The following EDARADD variants were observed in gnomAD, a reference collection of about 807,000 sequenced individuals.
EDARADD encodes the protein ectodysplasin-A receptor-associated adapter protein.
Under a neutral mutation model 25.6 loss-of-function variants are expected in EDARADD, and 20 were observed. The ratio of observed to expected loss-of-function variants is 0.78; its 90% confidence interval spans 0.55 to 1.14. The LOEUF is 1.14. EDARADD is among the 50% of genes most tolerant of loss of function. EDARADD has a pLI of 0.00. For missense variants in EDARADD, 225 were observed against 270.1 expected (o/e 0.83, Z 1.17); for synonymous variants, 86 against 94.4 (o/e 0.91, Z 0.52).
chr1:236,361,933 A>T (rs1297692802), intron 3 of EDARADD, among the ~76,000 whole-genome samples: 2 of 151,982 alleles, frequency 1.3e-5, no homozygotes, highest in Non-Finnish European at 2.9e-5. Flanking sequence ...TTAGGCATGG[A>T]ATGCCTGGAT....
At chr1:236,471,760 A>G (rs1659366627) in intron 5 of EDARADD, among the ~76,000 whole-genome samples, 1 of 152,126 alleles carries the variant, frequency 6.6e-6, no homozygotes, top group African/African-American at 2.4e-5. Flanking sequence ...GTGGAGGGAA[A>G]CACTCCCGTG....
chr1:236,466,865 G>A (rs190324537), intron 4 of EDARADD, among the ~76,000 whole-genome samples: 17 of 152,212 alleles, frequency 1.1e-4, no homozygotes, highest in Non-Finnish European at 1.9e-4. Context: ...TCAGGAGTTC[G>A]AGACCATCCC....
chr1:236,420,777 T>A (rs1571923997), intron 3 of EDARADD, among the ~76,000 whole-genome samples: 1 of 152,128 alleles, frequency 6.6e-6, no homozygotes, highest in South Asian at 2.1e-4. Context: ...AGTCTCGCTC[T>A]GTCACCTAGG....
chr1:236,459,559 C>T (rs533203172), intron 4 of EDARADD, among the ~76,000 whole-genome samples: 22 of 151,178 alleles, frequency 1.5e-4, no homozygotes, highest in South Asian at 8.4e-4. Context: ...TGCTGTAATC[C>T]GAGCAAAGCA....
chr1:236,478,873 A>G lies in EDARADD; in HGVS notation c.266-3394A>G, dbSNP rs953894953. On this transcript the variant is annotated intron_variant, in intron 5 of 5. Coordinates refer to ENST00000334232, the MANE Select transcript of EDARADD (RefSeq NM_145861.4). Reference sequence around the variant, plus strand: ...AGTGCTGGGATTACAGGCGTGAGCCACCGCGCCCAGCGAGACTGTTATTCT... The same window carrying G: ...AGTGCTGGGATTACAGGCGTGAGCCGCCGCGCCCAGCGAGACTGTTATTCT... Among the ~76,000 whole-genome samples, 15 of 152,310 alleles carry G rather than the reference A, an allele frequency of 9.8e-5. No homozygotes were observed. The East Asian group carries it at 2.7e-3, about 27-fold the overall frequency.
At chr1:236,407,185 T>C (rs1667752710) in intron 1 of EDARADD, among the ~76,000 whole-genome samples, 2 of 152,176 alleles carry the variant, frequency 1.3e-5, no homozygotes, top group Non-Finnish European at 2.9e-5. Flanking sequence ...GAGAAGTCCC[T>C]TGAGACCCAG....
At chr1:236,387,021 G>C (rs1667363786) in intron 3 of EDARADD, among the ~76,000 whole-genome samples, 1 of 50,184 alleles carries the variant, frequency 2.0e-5, no homozygotes, top group African/African-American at 6.3e-5. Context: ...CCTCTGCCCG[G>C]CCAGCCGCCC....
At chr1:236,464,463 C>T (rs894879193) in intron 4 of EDARADD, among the ~76,000 whole-genome samples, 2 of 124,724 alleles carry the variant, frequency 1.6e-5, no homozygotes, top group Non-Finnish European at 3.2e-5. Context: ...GACAGAATCT[C>T]GCTCTGTCGC....
At chr1:236,360,290 A>G (rs1373547665) in intron 3 of EDARADD, among the ~76,000 whole-genome samples, 8 of 152,114 alleles carry the variant, frequency 5.3e-5, no homozygotes, top group Non-Finnish European at 7.4e-5. Flanking sequence ...ATTGCACTCC[A>G]GCCTGGACAA....
intron 3 of EDARADD, among the ~76,000 whole-genome samples, chr1:236,382,003 T>C (rs766603733): frequency 1.3e-5 from 2 of 152,012 alleles, no homozygotes; most frequent in Non-Finnish European, 2.9e-5. Context: ...TGTTGGGTTT[T>C]GGTGATTTTT....
Position 236,467,416 on chromosome 1 carries a change from ACACACACGCG to A in EDARADD, c.220-807_220-798del, listed in dbSNP as rs1203099152. Among the ~76,000 whole-genome samples the A allele has an allele frequency of 6.3e-5, 6 of 95,046 alleles. No homozygotes were observed. In the South Asian group the frequency reaches 2.2e-3, roughly 34 times the overall value. The allele number at this position is 95,046 out of a possible 152,430, so 62.4% of individuals were successfully genotyped here. A position where few individuals can be genotyped will look rare whatever the true frequency, so the allele number is the denominator to read the frequency against. ...CTCCTCTGCTGACTTCATGGGAAGC[ACACACACGCG>A]CACACACACACACACACACACACAC... On this transcript the variant is annotated intron_variant, in intron 4 of 5. Coordinates refer to ENST00000334232, the MANE Select transcript of EDARADD (RefSeq NM_145861.4).
intron 3 of EDARADD, among the ~76,000 whole-genome samples, chr1:236,424,622 C>A (rs961058301): frequency 6.6e-6 from 1 of 152,148 alleles, no homozygotes; most frequent in African/African-American, 2.4e-5. Context: ...GGGGTGGGGC[C>A]TTCCCTGTGG....
chr1:236,426,462 G>A (rs73123271), intron 3 of EDARADD, among the ~76,000 whole-genome samples: 6,945 of 152,260 alleles, frequency 0.046, 404 homozygotes, highest in African/African-American at 0.14. Context: ...CACAGATGTT[G>A]TACTTGAGAG....
At position 236,394,885 on chromosome 1, in the gene EDARADD, C is replaced by G. The variant is rs186477113; in HGVS notation, c.61+380C>G. On this transcript the variant is annotated intron_variant, in intron 1 of 5. Coordinates refer to ENST00000334232, the MANE Select transcript of EDARADD (RefSeq NM_145861.4). ...TGAAGCCATCTTTTCTGAGAGAACC[C>G]GAAGCTGTTTTTTCTAGAGAAGCTG... 3.5e-3 allele frequency among the ~76,000 whole-genome samples: 530 copies of G among 152,222 alleles called. 3 individuals carry two copies. Among genetic ancestry groups the G allele is most frequent in the African/African-American group, 0.012 (506 of 41,538 alleles).
At position 236,381,074 on chromosome 1, in the gene EDARADD, G is replaced by A. The variant is rs143948941; in HGVS notation, c.-5-28142G>A. Among the ~76,000 whole-genome samples, 392 of 152,084 alleles carry A rather than the reference G, an allele frequency of 2.6e-3. 2 individuals are homozygous for A. The highest frequency in any genetic ancestry group is 9.0e-3 in the African/African-American group (372 of 41,494). ...TCTGCCTTTGTAATCCATCCTTCCC[G>A]CCCCACCCTCAATCCTGGGCACCCA... On this transcript the variant is annotated intron_variant, in intron 3 of 7. Coordinates refer to the EDARADD transcript ENST00000439430.
chr1:236,402,295 G>A (rs1342804162), intron 1 of EDARADD, among the ~76,000 whole-genome samples: 1 of 152,128 alleles, frequency 6.6e-6, no homozygotes, highest in Non-Finnish European at 1.5e-5. Flanking sequence ...TATTGGCCAG[G>A]CGTGGTGGCT....
At chr1:236,456,009 T>C (rs1247402400) in intron 4 of EDARADD, among the ~76,000 whole-genome samples, 1 of 152,204 alleles carries the variant, frequency 6.6e-6, no homozygotes, top group Non-Finnish European at 1.5e-5. Context: ...CAGGATGGTC[T>C]CGATCTGCTG....
At chr1:236,443,747 A>G (rs1558126247) in intron 4 of EDARADD, among the ~76,000 whole-genome samples, 1 of 152,352 alleles carries the variant, frequency 6.6e-6, no homozygotes, top group East Asian at 1.9e-4. Context: ...TTAGAGTAGT[A>G]CATAAATTTA....
rs947649737 is a variant in EDARADD, at chr1:236,484,669, C to A, written c.*2020C>A. 7 of 460,690 alleles carry A rather than the reference C, an allele frequency of 1.5e-5. No homozygotes were observed. Among genetic ancestry groups the A allele is most frequent in the Non-Finnish European group, 2.4e-5 (6 of 250,572 alleles). The allele number at this position is 460,690 out of a possible 1,614,324, so 28.5% of individuals were successfully genotyped here. On this transcript the variant is annotated 3_prime_UTR_variant, in exon 6 of 6. Coordinates refer to ENST00000334232, the MANE Select transcript of EDARADD (RefSeq NM_145861.4). The surrounding 1 kb of genome is among the most constrained non-coding windows in gnomAD (Gnocchi z 4.1). ...GTTGCAGTGAGCCGAGATTGCGCCA[C>A]TGCACACCAGTCTGGAGACAGAGTG...
Sources: allele counts gnomAD v4.1 joint callset (sites outside exome capture counted in the v4.1 genomes callset), GRCh38; gene constraint gnomAD v4.1.1; non-coding constraint Gnocchi (gnomAD v3.1); transcripts MANE v1.5; gene names NCBI Gene and HGNC (gene_info 2026-07-23, HGNC 2026-07-21).